INSM1: variants seen among roughly 807,000 people sequenced by gnomAD.
The protein encoded by INSM1 is INSM transcriptional repressor 1.
In INSM1, 11 loss-of-function variants were observed where a neutral mutation model predicts 21.1. That is an observed-to-expected ratio of 0.52 (90% CI 0.33 to 0.86). The LOEUF (loss-of-function observed/expected upper bound fraction) is 0.86. Ranked by LOEUF, INSM1 falls within the 40% of genes least tolerant of loss-of-function variation. The pLI is 0.03. For synonymous variants in INSM1, 473 were observed against 386.1 expected (o/e 1.23, Z -2.64); for missense variants, 843 against 760.1 (o/e 1.11, Z -1.28).
Position 20,368,803 on chromosome 20 carries a change from C to T in INSM1, c.536C>T (p.Ala179Val). The T allele has an allele frequency of 9.3e-7, 1 of 1,076,110 alleles. No individual in the cohort carries two copies. The highest frequency in any genetic ancestry group is 1.2e-6 in the Non-Finnish European group (1 of 863,736). 66.7% of individuals were successfully genotyped at this position (1,076,110 alleles called of 1,614,324 possible). The change falls in exon 1 of 1, where the codon GCG becomes GTG. Residue 179 changes from alanine (A) to valine (V), a missense_variant. Physicochemically the swap from Ala to Val is moderately conservative, Grantham distance 64. Coordinates refer to ENST00000310227, the MANE Select transcript of INSM1 (RefSeq NM_002196.3). The surrounding 1 kb of genome is among the most constrained non-coding windows in gnomAD (Gnocchi z 4.3). ...ACGGCGTTCTCGGCTGGCGCCGAGG[C>T]GGCCCGCGGCCCGGGCCCCGGCCCC... ...MGTAFSAGAEAARGPGPGPPL... is the reference protein window; with the variant it reads ...MGTAFSAGAEVARGPGPGPPL...
In INSM1 at chr20:20,369,687, T is replaced by G; in HGVS notation, c.1420T>G (p.Cys474Gly). The change falls in exon 1 of 1, where the codon TGC becomes GGC. Residue 474 changes from cysteine to glycine, a missense_variant. Cys to Gly is a radical substitution (Grantham distance 159). Transcript: ENST00000310227. This position sits in a 1 kb window ranked among gnomAD's most constrained non-coding sequence, Gnocchi z 5.6. ...CGCCCAGGTGTTCCCCTGCAAGTACTGCCCGGCCACCTTCTACAGCTCGCC... is the reference window on the plus strand; with the variant it reads ...CGCCCAGGTGTTCCCCTGCAAGTACGGCCCGGCCACCTTCTACAGCTCGCC... Reference protein sequence around the residue: ...HAAQVFPCKYCPATFYSSPGL... With the variant: ...HAAQVFPCKYGPATFYSSPGL... 1.2e-6 allele frequency: 2 copies of G among 1,600,818 alleles called. No individual in the cohort carries two copies. The highest frequency in any genetic ancestry group is 2.2e-5 in the South Asian group (2 of 91,076).
chr20:20,369,283 C>A lies in INSM1; in HGVS notation c.1016C>A (p.Ala339Glu). 1 of 1,378,962 alleles carries A rather than the reference C, an allele frequency of 7.3e-7. No individual in the cohort carries two copies. Among genetic ancestry groups the A allele is most frequent in the South Asian group, 1.8e-5 (1 of 56,798 alleles). 85.4% of individuals were successfully genotyped at this position (1,378,962 alleles called of 1,614,324 possible). A position where few individuals can be genotyped will look rare whatever the true frequency, so the allele number is the denominator to read the frequency against. ...CCAGAAGCAGCAGCCAGGGCTGAGGCGCGGGAGGCACCCGGCGGCGGCAGC... is the reference window on the plus strand; with the variant it reads ...CCAGAAGCAGCAGCCAGGGCTGAGGAGCGGGAGGCACCCGGCGGCGGCAGC... ...PEPEAAARAEAREAPGGGSDR... is the reference protein window; with the variant it reads ...PEPEAAARAEEREAPGGGSDR... The change falls in exon 1 of 1, where the codon GCG (alanine) becomes GAG (glutamate). Residue 339 changes from alanine (A) to glutamate (E), a missense_variant. Ala to Glu is a moderately radical substitution (Grantham distance 107). Transcript: ENST00000310227. This position sits in a 1 kb window ranked among gnomAD's most constrained non-coding sequence, Gnocchi z 5.6.
rs1373032656 is a variant in INSM1, at chr20:20,369,006, G to A, written c.739G>A (p.Glu247Lys). The A allele has an allele frequency of 1.3e-6, 2 of 1,537,766 alleles. No homozygotes were observed. The highest frequency in any genetic ancestry group is 1.7e-6 in the Non-Finnish European group (2 of 1,144,252). ...GCCCGTGCTGGGGCTCAAGATCAAG[G>A]AGGGCCCGGTGGAGGCGCCGCGGGG... ...TSPVLGLKIK[E>K]GPVEAPRGRA... The change falls in exon 1 of 1, where the codon GAG becomes AAG. Residue 247 changes from glutamate to lysine, a missense_variant. Glu to Lys is a moderately conservative substitution (Grantham distance 56, BLOSUM62 1). Transcript: ENST00000310227. The surrounding 1 kb of genome is among the most constrained non-coding windows in gnomAD (Gnocchi z 5.6).
rs2059487803 is a variant in INSM1, at chr20:20,369,005, G to A, written c.738G>A (p.Lys246=). The part of the protein sequence containing the change: ...TTSPVLGLKI[K]EGPVEAPRGR... Reference sequence around the variant, plus strand: ...CGCCCGTGCTGGGGCTCAAGATCAAGGAGGGCCCGGTGGAGGCGCCGCGGG... The same window carrying A: ...CGCCCGTGCTGGGGCTCAAGATCAAAGAGGGCCCGGTGGAGGCGCCGCGGG... Residue 246 remains lysine, a synonymous_variant, in exon 1 of 1, where the codon AAG becomes AAA. Coordinates refer to ENST00000310227, the MANE Select transcript of INSM1 (RefSeq NM_002196.3). This position sits in a 1 kb window ranked among gnomAD's most constrained non-coding sequence, Gnocchi z 5.6. 3.3e-6 allele frequency: 5 copies of A among 1,537,484 alleles called. No homozygotes were observed. The highest frequency in any genetic ancestry group is 4.4e-6 in the Non-Finnish European group (5 of 1,144,198).
At position 20,368,539 on chromosome 20, in the gene INSM1, C is replaced by G. The variant is rs2059484995; in HGVS notation, c.272C>G (p.Pro91Arg). 3 of 1,362,268 alleles carry G rather than the reference C, an allele frequency of 2.2e-6. No homozygotes were observed. Among genetic ancestry groups the G allele is most frequent in the African/African-American group, 1.5e-5 (1 of 65,156 alleles). The allele number at this position is 1,362,268 out of a possible 1,614,324, so 84.4% of individuals were successfully genotyped here. ...CCGCGGGCCGCGCACTTCGGCAACCCCGAGGCTGCGCACCCCGCGCCGCTC... is the reference window on the plus strand; with the variant it reads ...CCGCGGGCCGCGCACTTCGGCAACCGCGAGGCTGCGCACCCCGCGCCGCTC... ...QGPRAAHFGNPEAAHPAPLYS... is the reference protein window; with the variant it reads ...QGPRAAHFGNREAAHPAPLYS... The change falls in exon 1 of 1, where the codon CCC (proline) becomes CGC (arginine). Residue 91 changes from proline to arginine, a missense_variant. Pro to Arg is a moderately radical substitution (Grantham distance 103). Transcript: ENST00000310227. The surrounding 1 kb of genome is among the most constrained non-coding windows in gnomAD (Gnocchi z 4.3).
rs1262877906 is a variant in INSM1 at position 20,368,425 on chromosome 20, T to C, written c.158T>C (p.Leu53Pro). 1 of 988,314 alleles carries C rather than the reference T, an allele frequency of 1.0e-6. No homozygotes were observed. The highest frequency in any genetic ancestry group is 1.2e-6 in the Non-Finnish European group (1 of 833,624). 61.2% of individuals were successfully genotyped at this position (988,314 alleles called of 1,614,324 possible). ...GCGCCGAGCCCGGTCCCCGGGCCGC[T>C]GCCGCCGCCGCCGCCCGCGGAGCGC... is the stretch of plus-strand genomic sequence containing the variant. ...PPAPSPVPGP[L>P]PPPPPAERAH... Residue 53 changes from leucine (L) to proline (P), a missense_variant, in exon 1 of 1, where the codon CTG becomes CCG. By Grantham distance (98) the Leu-to-Pro change is moderately conservative (BLOSUM62 -3). Transcript: ENST00000310227. The surrounding 1 kb of genome is among the most constrained non-coding windows in gnomAD (Gnocchi z 4.3).
chr20:20,369,232 CGCCCGCCGCCGCCCGCGCGCCGGA>C lies in INSM1; in HGVS notation c.969_992del (p.Ala324_Pro331del). 6.9e-7 allele frequency: 1 copy of C among 1,448,914 alleles called. No homozygotes were observed. 89.8% of individuals were successfully genotyped at this position (1,448,914 alleles called of 1,614,324 possible). On this transcript the variant is annotated inframe_deletion, in exon 1 of 1. Coordinates refer to ENST00000310227, the MANE Select transcript of INSM1 (RefSeq NM_002196.3). The surrounding 1 kb of genome is among the most constrained non-coding windows in gnomAD (Gnocchi z 5.6). ...CGCCGCTGGCACAAACCGCGGCCCG[CGCCCGCCGCCGCCCGCGCGCCGGA>C]GCCAGAAGCAGCAGCCAGGGCTGAG...
chr20:20,369,605 C>A lies in INSM1; in HGVS notation c.1338C>A (p.Cys446Ter), dbSNP rs773581454. 1 of 1,600,478 alleles carries A rather than the reference C, an allele frequency of 6.2e-7. No homozygotes were observed. The highest frequency in any genetic ancestry group is 8.5e-7 in the Non-Finnish European group (1 of 1,179,600). ...CCGAGTGCCACCTGTGCCCAGTGTGCGGAGAGTCGTTCGCCAGCAAGGGCG... is the reference window on the plus strand; with the variant it reads ...CCGAGTGCCACCTGTGCCCAGTGTGAGGAGAGTCGTTCGCCAGCAAGGGCG... ...ASAECHLCPV[C>*]GESFASKGAQ... The change falls in exon 1 of 1, where the codon TGC becomes TGA. Residue 446 changes from cysteine to a stop codon, truncating the protein, a stop_gained. Transcript: ENST00000310227. LOFTEE classifies it high-confidence loss of function. This position sits in a 1 kb window ranked among gnomAD's most constrained non-coding sequence, Gnocchi z 5.6.
chr20:20,368,966 C>T lies in INSM1; in HGVS notation c.699C>T (p.Asp233=). Reference sequence around the variant, plus strand: ...CCATCCGCAAGCTGCACTTCGAGGACGAGGTGACCACGTCGCCCGTGCTGG... The same window carrying T: ...CCATCCGCAAGCTGCACTTCGAGGATGAGGTGACCACGTCGCCCGTGCTGG... ...PKAIRKLHFE[D]EVTTSPVLGL... Residue 233 remains aspartate (D), a synonymous_variant, in exon 1 of 1, where the codon GAC becomes GAT. Transcript: ENST00000310227. The surrounding 1 kb of genome is among the most constrained non-coding windows in gnomAD (Gnocchi z 4.3). 1 of 1,555,990 alleles carries T rather than the reference C, an allele frequency of 6.4e-7. No individual in the cohort carries two copies. The highest frequency in any genetic ancestry group is 8.7e-7 in the Non-Finnish European group (1 of 1,154,162).
In INSM1 at chr20:20,370,761, C is replaced by T; in HGVS notation, c.*961C>T. 6.0e-6 allele frequency: 1 copy of T among 167,142 alleles called. No individual in the cohort carries two copies. The allele number at this position is 167,142 out of a possible 1,614,324, so 10.4% of individuals were successfully genotyped here. On this transcript the variant is annotated 3_prime_UTR_variant, in exon 1 of 1. Transcript: ENST00000310227. Reference sequence around the variant, plus strand: ...TATACCTATCTGAGTGAATTACAGACAACCTATCATTTATTCTGCTTCGAG... The same window carrying T: ...TATACCTATCTGAGTGAATTACAGATAACCTATCATTTATTCTGCTTCGAG...
At position 20,368,879 on chromosome 20, in the gene INSM1, C is replaced by T. The variant is rs900636086; in HGVS notation, c.612C>T (p.Pro204=). ...GGCCCCCGGGAAAGCGGCCCCCGCC[C>T]CCTACCGCCGCGGAGCCGCCCGCCA... ...ALRPPGKRPP[P]PTAAEPPAKA... The change falls in exon 1 of 1, where the codon CCC becomes CCT. Residue 204 remains proline, a synonymous_variant. Transcript: ENST00000310227. This position sits in a 1 kb window ranked among gnomAD's most constrained non-coding sequence, Gnocchi z 4.3. The T allele has an allele frequency of 2.1e-6, 3 of 1,448,318 alleles. No homozygotes were observed. In the African/African-American group the frequency reaches 4.5e-5, roughly 22 times the overall value. The allele number at this position is 1,448,318 out of a possible 1,614,324, so 89.7% of individuals were successfully genotyped here.
In INSM1 at chr20:20,370,328, T is replaced by C. The variant is rs1185286570; in HGVS notation, c.*528T>C. 1 of 167,494 alleles carries C rather than the reference T, an allele frequency of 6.0e-6. No homozygotes were observed. Among genetic ancestry groups the C allele is most frequent in the African/African-American group, 2.4e-5 (1 of 41,468 alleles). 10.4% of individuals were successfully genotyped at this position (167,494 alleles called of 1,614,324 possible). A position where few individuals can be genotyped will look rare whatever the true frequency, so the allele number is the denominator to read the frequency against. On this transcript the variant is annotated 3_prime_UTR_variant, in exon 1 of 1. Transcript: ENST00000310227. ...TATTATGGCTTGTGAACTGCTGGAG[T>C]CTGGCTTTACCTTTTTGTATGTGAA...
At position 20,369,606 on chromosome 20, in the gene INSM1, G is replaced by T. The variant is rs747327681; in HGVS notation, c.1339G>T (p.Gly447Ter). Residue 447 changes from glycine to a stop codon, truncating the protein, a stop_gained, in exon 1 of 1, where the codon GGA (glycine) becomes TGA (stop). Transcript: ENST00000310227. LOFTEE classifies it high-confidence loss of function. The surrounding 1 kb of genome is among the most constrained non-coding windows in gnomAD (Gnocchi z 5.6). Reference protein sequence around the residue: ...SAECHLCPVCGESFASKGAQE... With the variant: ...SAECHLCPVC Reference sequence around the variant, plus strand: ...CGAGTGCCACCTGTGCCCAGTGTGCGGAGAGTCGTTCGCCAGCAAGGGCGC... The same window carrying T: ...CGAGTGCCACCTGTGCCCAGTGTGCTGAGAGTCGTTCGCCAGCAAGGGCGC... 7 of 1,600,624 alleles carry T rather than the reference G, an allele frequency of 4.4e-6. No homozygotes were observed. The highest frequency in any genetic ancestry group is 5.9e-6 in the Non-Finnish European group (7 of 1,179,636).
In INSM1 at chr20:20,369,555, G is replaced by C. The variant is rs2059491186; in HGVS notation, c.1288G>C (p.Gly430Arg). 1 of 1,582,846 alleles carries C rather than the reference G, an allele frequency of 6.3e-7. No homozygotes were observed. Among genetic ancestry groups the C allele is most frequent in the Non-Finnish European group, 8.5e-7 (1 of 1,172,044 alleles). Reference sequence around the variant, plus strand: ...GGCGGCCGGCGACGGCGAGGGGGCCGGCGTGCTGGGCCTGAGTGCGTCCGC... The same window carrying C: ...GGCGGCCGGCGACGGCGAGGGGGCCCGCGTGCTGGGCCTGAGTGCGTCCGC... Reference protein sequence around the residue: ...QEAAGDGEGAGVLGLSASAEC... With the variant: ...QEAAGDGEGARVLGLSASAEC... Residue 430 changes from glycine (G) to arginine (R), a missense_variant, in exon 1 of 1, where the codon GGC (glycine) becomes CGC (arginine). By Grantham distance (125) the Gly-to-Arg change is moderately radical. Coordinates refer to ENST00000310227, the MANE Select transcript of INSM1 (RefSeq NM_002196.3). The surrounding 1 kb of genome is among the most constrained non-coding windows in gnomAD (Gnocchi z 5.6).
chr20:20,368,916 GC>G lies in INSM1; in HGVS notation c.653del (p.Pro218ArgfsTer18). ...GGAGCCGCCCGCCAAGGCAGTCAAGGCCCCGGGCGCCAAGAAGCCCAAGGCC... is the reference window on the plus strand; with the variant it reads ...GGAGCCGCCCGCCAAGGCAGTCAAGGCCCGGGCGCCAAGAAGCCCAAGGCC... ...AAEPPAKAVK[A>X]PGAKKPKAIR... On this transcript the variant is annotated frameshift_variant, in exon 1 of 1. Coordinates refer to ENST00000310227, the MANE Select transcript of INSM1 (RefSeq NM_002196.3). LOFTEE classifies it high-confidence loss of function. This position sits in a 1 kb window ranked among gnomAD's most constrained non-coding sequence, Gnocchi z 4.3. 5 of 1,514,270 alleles carry G rather than the reference GC, an allele frequency of 3.3e-6. No homozygotes were observed. The highest frequency in any genetic ancestry group is 2.1e-5 in the Admixed American group (1 of 46,790). 93.8% of individuals were successfully genotyped at this position (1,514,270 alleles called of 1,614,324 possible).
chr20:20,368,162 TC>T lies in INSM1; in HGVS notation c.-103del. 2.3e-6 allele frequency: 2 copies of T among 860,096 alleles called. No homozygotes were observed. Among genetic ancestry groups the T allele is most frequent in the Non-Finnish European group, 2.8e-6 (2 of 706,564 alleles). The allele number at this position is 860,096 out of a possible 1,614,324, so 53.3% of individuals were successfully genotyped here. ...CGAGCCGTCGCCGGCGCCACGCGAG[TC>T]CCGCAGCCGCCGCGCCCGGGCAATG... On this transcript the variant is annotated 5_prime_UTR_variant, in exon 1 of 1. Transcript: ENST00000310227. The surrounding 1 kb of genome is among the most constrained non-coding windows in gnomAD (Gnocchi z 4.3).
chr20:20,368,870 G>T lies in INSM1; in HGVS notation c.603G>T (p.Arg201=). 3.5e-6 allele frequency: 5 copies of T among 1,419,742 alleles called. No individual in the cohort carries two copies. Among genetic ancestry groups the T allele is most frequent in the Non-Finnish European group, 3.7e-6 (4 of 1,087,714 alleles). The allele number at this position is 1,419,742 out of a possible 1,614,324, so 87.9% of individuals were successfully genotyped here. The change falls in exon 1 of 1, where the codon CGG becomes CGT. Residue 201 remains arginine, a synonymous_variant. Coordinates refer to ENST00000310227, the MANE Select transcript of INSM1 (RefSeq NM_002196.3). This position sits in a 1 kb window ranked among gnomAD's most constrained non-coding sequence, Gnocchi z 4.3. ...CCGCCCTGCGGCCCCCGGGAAAGCG[G>T]CCCCCGCCCCCTACCGCCGCGGAGC... ...PAAALRPPGK[R]PPPPTAAEPP...
chr20:20,368,457 G>A lies in INSM1; in HGVS notation c.190G>A (p.Ala64Thr), dbSNP rs1226299490. 69 of 1,024,348 alleles carry A rather than the reference G, an allele frequency of 6.7e-5. No homozygotes were observed. Among genetic ancestry groups the A allele is most frequent in the Non-Finnish European group, 7.6e-5 (65 of 854,792 alleles). The allele number at this position is 1,024,348 out of a possible 1,614,324, so 63.5% of individuals were successfully genotyped here. A position where few individuals can be genotyped will look rare whatever the true frequency, so the allele number is the denominator to read the frequency against. ...GCCGCCGCCCGCGGAGCGCGCCCAT[G>A]CAGCGCTCGCCGCCGCGCTTGCCTG... is the stretch of plus-strand genomic sequence containing the variant. ...PPPPPAERAH[A>T]ALAAALACAP... The change falls in exon 1 of 1, where the codon GCA (alanine) becomes ACA (threonine). Residue 64 changes from alanine (A) to threonine (T), a missense_variant. Ala to Thr is a moderately conservative substitution (Grantham distance 58). Coordinates refer to ENST00000310227, the MANE Select transcript of INSM1 (RefSeq NM_002196.3). The surrounding 1 kb of genome is among the most constrained non-coding windows in gnomAD (Gnocchi z 4.3).
chr20:20,369,227 G>T lies in INSM1; in HGVS notation c.960G>T (p.Arg320=). The T allele has an allele frequency of 6.8e-7, 1 of 1,465,746 alleles. No homozygotes were observed. Among genetic ancestry groups the T allele is most frequent in the East Asian group, 2.9e-5 (1 of 34,114 alleles). 90.8% of individuals were successfully genotyped at this position (1,465,746 alleles called of 1,614,324 possible). ...LASHRRWHKP[R]PAPAAARAPE... ...CGCACCGCCGCTGGCACAAACCGCG[G>T]CCCGCGCCCGCCGCCGCCCGCGCGC... The change falls in exon 1 of 1, where the codon CGG becomes CGT. Residue 320 remains arginine, a synonymous_variant. Transcript: ENST00000310227. The surrounding 1 kb of genome is among the most constrained non-coding windows in gnomAD (Gnocchi z 5.6).
Sources: gnomAD v4.1 joint callset for allele counts on GRCh38, gnomAD v4.1.1 for gene constraint, Gnocchi (gnomAD v3.1) non-coding constraint, MANE v1.5 for transcripts, NCBI Gene and HGNC (gene_info 2026-07-23, HGNC 2026-07-21) for gene names.